The following NCKAP5 variants were observed in gnomAD, a reference collection of about 807,000 sequenced individuals.
NCKAP5 encodes the protein NCK associated protein 5.
In NCKAP5, 92 loss-of-function variants were observed where a neutral mutation model predicts 167.0. The ratio of observed to expected loss-of-function variants is 0.55; its 90% CI spans 0.47 to 0.66. The LOEUF (loss-of-function observed/expected upper bound fraction) is 0.66. NCKAP5 is among the 30% of genes least tolerant of loss of function. The pLI is 0.00. For synonymous variants in NCKAP5, 891 were observed against 877.4 expected, an observed-to-expected ratio of 1.02 and a Z score of -0.27; for missense variants, 2,378 against 2,315.0, an observed-to-expected ratio of 1.03 and a Z score of -0.56.
chr2:133,174,831 T>C (rs2084392287), intron 5 of NCKAP5, among the ~76,000 whole-genome samples: 2 of 152,128 alleles, frequency 1.3e-5, no homozygotes, highest in African/African-American at 4.8e-5. Flanking sequence ...CTCTCTGTAA[T>C]GAATAACCTC....
chr2:133,078,138 T>C (rs2080674264), intron 6 of NCKAP5, among the ~76,000 whole-genome samples: 1 of 152,192 alleles, frequency 6.6e-6, no homozygotes, highest in Non-Finnish European at 1.5e-5. Context: ...TATCTGGCCC[T>C]GAACTTTGTC....
At chr2:133,466,817 T>C (rs1475212499) in intron 3 of NCKAP5, among the ~76,000 whole-genome samples, 1 of 152,040 alleles carries the variant, frequency 6.6e-6, no homozygotes, top group Non-Finnish European at 1.5e-5. Flanking sequence ...TGTTTGTCTG[T>C]TGTTGGTGTA....
Position 132,672,260 on chromosome 2 carries a change from C to T in NCKAP5, c.*1029G>A, listed in dbSNP as rs911615530. ...AAGAAGATAAAAATCAAATAATATT[C>T]AGGATCATAGAGAAGCACTAAGTAA... On this transcript the variant is annotated 3_prime_UTR_variant, in exon 20 of 20. Coordinates refer to ENST00000409261, the MANE Select transcript of NCKAP5 (RefSeq NM_207363.3). 1.3e-5 allele frequency: 2 copies of T among 152,592 alleles called. No homozygotes were observed. Among genetic ancestry groups the T allele is most frequent in the African/African-American group, 4.8e-5 (2 of 41,532 alleles). 9.5% of individuals were successfully genotyped at this position (152,592 alleles called of 1,614,324 possible). A position where few individuals can be genotyped will look rare whatever the true frequency, so the allele number is the denominator to read the frequency against.
intron 13 of NCKAP5, among the ~76,000 whole-genome samples, chr2:132,788,207 A>T (rs1427007529): frequency 6.6e-6 from 1 of 152,222 alleles, no homozygotes; most frequent in Non-Finnish European, 1.5e-5. Flanking sequence ...CTTTGCTGCG[A>T]AAGTTGGAAG....
At chr2:132,891,568 G>C (rs1176524447) in intron 8 of NCKAP5, among the ~76,000 whole-genome samples, 8 of 152,314 alleles carry the variant, frequency 5.3e-5, no homozygotes, top group South Asian at 2.1e-4. Context: ...CTCATTGGGA[G>C]AAAACAGCCT....
At chr2:132,709,896 G>A (rs550995485) in intron 19 of NCKAP5, among the ~76,000 whole-genome samples, 6 of 151,960 alleles carry the variant, frequency 3.9e-5, no homozygotes, top group Non-Finnish European at 5.9e-5. Flanking sequence ...AAATAATGTC[G>A]CTGACACATT....
chr2:133,385,179 G>A (rs1223634144), intron 3 of NCKAP5, among the ~76,000 whole-genome samples: 3 of 152,112 alleles, frequency 2.0e-5, no homozygotes, highest in African/African-American at 7.2e-5. Context: ...TATTGCCTGT[G>A]GGTCTGTCAT....
chr2:133,097,107 T>C (rs558431453), intron 6 of NCKAP5, among the ~76,000 whole-genome samples: 21 of 152,208 alleles, frequency 1.4e-4, no homozygotes, highest in African/African-American at 4.8e-4. Flanking sequence ...CGGAACAAGG[T>C]GTGATGTGTC....
At chr2:133,477,104 C>T (rs1477562496) in intron 3 of NCKAP5, among the ~76,000 whole-genome samples, 1 of 152,230 alleles carries the variant, frequency 6.6e-6, no homozygotes, top group Non-Finnish European at 1.5e-5. Flanking sequence ...TATGGAGAAA[C>T]TTAAGGTTGG....
At chr2:133,470,334 G>T (rs1276190899) in intron 3 of NCKAP5, among the ~76,000 whole-genome samples, 1 of 152,108 alleles carries the variant, frequency 6.6e-6, no homozygotes, top group East Asian at 1.9e-4. Flanking sequence ...GGGGTCAGGG[G>T]TCAGGGACCC....
intron 2 of NCKAP5, among the ~76,000 whole-genome samples, chr2:133,518,910 G>T (rs879761553): frequency 1.3e-5 from 2 of 152,176 alleles, no homozygotes; most frequent in Admixed American, 6.5e-5. Context: ...TTGAGATATA[G>T]AAATTGCTCA....
At chr2:133,666,318 C>T in the NCKAP5 span, among the ~76,000 whole-genome samples, 3 of 151,522 alleles carry the variant, frequency 2.0e-5, no homozygotes, top group African/African-American at 7.3e-5. Flanking sequence ...CTGCCTCAGC[C>T]TCTCGAGTAT....
intron 6 of NCKAP5, among the ~76,000 whole-genome samples, chr2:133,047,814 C>T (rs546726243): frequency 2.0e-5 from 3 of 152,280 alleles, no homozygotes; most frequent in Non-Finnish European, 2.9e-5. Context: ...TCTGATTAAC[C>T]AGTAATCACA....
intron 3 of NCKAP5, among the ~76,000 whole-genome samples, chr2:133,456,467 G>C (rs2151215912): frequency 6.6e-6 from 1 of 152,256 alleles, no homozygotes; most frequent in South Asian, 2.1e-4. Context: ...AGAATGGCGG[G>C]ACAGAAGAGA....
chr2:133,027,868 G>A (rs996716565), intron 6 of NCKAP5, among the ~76,000 whole-genome samples: 4 of 152,062 alleles, frequency 2.6e-5, no homozygotes, highest in African/African-American at 9.7e-5. Flanking sequence ...ATCACTTTGA[G>A]TTTCTACTTG....
intron 11 of NCKAP5, among the ~76,000 whole-genome samples, chr2:132,823,020 A>T (rs541139560): frequency 5.9e-5 from 9 of 152,260 alleles, no homozygotes; most frequent in South Asian, 4.1e-4. Context: ...AAAATAATTT[A>T]AAAAAATGAA....
At chr2:132,910,813 T>C (rs971625470) in intron 8 of NCKAP5, among the ~76,000 whole-genome samples, 2 of 152,170 alleles carry the variant, frequency 1.3e-5, no homozygotes, top group Non-Finnish European at 2.9e-5. Context: ...TTGGATTGGA[T>C]TGGATTTGGA....
chr2:133,501,973 C>T (rs1682559327), intron 3 of NCKAP5, among the ~76,000 whole-genome samples: 1 of 152,242 alleles, frequency 6.6e-6, no homozygotes, highest in Non-Finnish European at 1.5e-5. Context: ...GTGGTAGTAA[C>T]ATGAAATACT....
At chr2:132,913,035 C>T (rs760134564) in intron 8 of NCKAP5, among the ~76,000 whole-genome samples, 4 of 152,082 alleles carry the variant, frequency 2.6e-5, no homozygotes, top group Admixed American at 6.5e-5. Context: ...CAAACTACTA[C>T]GGTCTCTTCC....
Sources: allele counts gnomAD v4.1 joint callset (sites outside exome capture counted in the v4.1 genomes callset), GRCh38; gene constraint gnomAD v4.1.1; transcripts MANE v1.5; gene names NCBI Gene and HGNC (gene_info 2026-07-23, HGNC 2026-07-21).